NCR3LG1: variants seen among roughly 807,000 people sequenced by gnomAD.
NCR3LG1 encodes the protein natural cytotoxicity triggering receptor 3 ligand 1.
Under a neutral mutation model 34.8 loss-of-function variants are expected in NCR3LG1, and 35 were observed. That is an observed-to-expected ratio of 1.01 (90% confidence interval 0.77 to 1.33). NCR3LG1 has a LOEUF of 1.33. NCR3LG1 is among the 40% of genes most tolerant of loss of function. The probability of loss-of-function intolerance (pLI) is 0.00; values close to 1 mark genes in which losing one functional copy is unlikely to be tolerated. For missense variants in NCR3LG1, 452 were observed against 423.3 expected, an observed-to-expected ratio of 1.07 and a Z score of -0.60; for synonymous variants, 173 against 163.6, an observed-to-expected ratio of 1.06 and a Z score of -0.44.
chr11:17,357,427 G>A (rs1953223253), intron 2 of NCR3LG1, among the ~76,000 whole-genome samples: 1 of 152,104 alleles, frequency 6.6e-6, no homozygotes, highest in African/African-American at 2.4e-5. Flanking sequence ...CCTCTTTAAA[G>A]AACCTATCTC....
At chr11:17,353,568 C>T (rs954279722) in intron 1 of NCR3LG1, among the ~76,000 whole-genome samples, 3 of 152,224 alleles carry the variant, frequency 2.0e-5, no homozygotes, top group Non-Finnish European at 4.4e-5. Context: ...GGGCCCGGCG[C>T]CCCCTCCTCA....
At chr11:17,380,442 A>C (rs1953507711), downstream of NCR3LG1, among the ~76,000 whole-genome samples, 1 of 151,668 alleles carries the variant, frequency 6.6e-6, no homozygotes, top group African/African-American at 2.4e-5. Context: ...GCCACCCACA[A>C]CTCTGAACTG....
chr11:17,359,468 T>C (rs1953246057), intron 2 of NCR3LG1, among the ~76,000 whole-genome samples: 1 of 152,104 alleles, frequency 6.6e-6, no homozygotes, highest in African/African-American at 2.4e-5. Context: ...GAAACAACTT[T>C]ATCTACTAGA....
rs771630472 is a variant in NCR3LG1 at position 17,356,619 on chromosome 11, A to G, written c.71-32A>G. ...CTCAAAAAGATGTTCATACATTGGT[A>G]AACTGAACATTGTGTCCTCTTATTG... On this transcript the variant is annotated intron_variant, in intron 1 of 4. Coordinates refer to ENST00000338965, the MANE Select transcript of NCR3LG1 (RefSeq NM_001202439.3). 7.0e-6 allele frequency: 10 copies of G among 1,431,620 alleles called. No homozygotes were observed. In the South Asian group the frequency reaches 1.0e-4, roughly 15 times the overall value. 88.7% of individuals were successfully genotyped at this position (1,431,620 alleles called of 1,614,324 possible).
Position 17,372,343 on chromosome 11 carries a change from A to G in NCR3LG1, c.1196A>G (p.Asp399Gly), listed in dbSNP as rs777877459. 8.5e-6 allele frequency: 6 copies of G among 703,060 alleles called. No homozygotes were observed. In the South Asian group the frequency reaches 8.9e-5, roughly 10 times the overall value. The allele number at this position is 703,060 out of a possible 1,614,324, so 43.6% of individuals were successfully genotyped here. The change falls in exon 5 of 5, where the codon GAT (aspartate) becomes GGT (glycine). Residue 399 changes from aspartate to glycine, a missense_variant. Coordinates refer to ENST00000338965, the MANE Select transcript of NCR3LG1 (RefSeq NM_001202439.3). ...ACAGTTACATCAGGCAAGTCCATAG[A>G]TGATAATTCCACAAAGTCTGAGAAA... ...LLTVTSGKSI[D>G]DNSTKSEKQT...
rs527887407 is a variant in NCR3LG1 at position 17,363,772 on chromosome 11, T to G, written c.422-3237T>G. 2.0e-5 allele frequency among the ~76,000 whole-genome samples: 3 copies of G among 151,974 alleles called. No homozygotes were observed. The East Asian group carries it at 5.8e-4, about 29-fold the overall frequency. On this transcript the variant is annotated intron_variant, in intron 2 of 4. Transcript: ENST00000338965. The stretch of plus-strand genomic sequence containing the variant: ...CCACTAAGCATGGCTAATTTTTGTA[T>G]TTTTTGTAGAGATGGTGTTTCATTA...
rs1407850130 is a variant in NCR3LG1, at chr11:17,372,503, C to T, written c.1356C>T (p.Pro452=). The part of the protein sequence containing the change: ...LSSQPPTLLL[P]LQ ...CCCAACCCCCAACTTTACTGTTACC[C>T]CTACAGTAAATGCCTGATGGACCTG... The change falls in exon 5 of 5, where the codon CCC becomes CCT. Residue 452 remains proline, a synonymous_variant. Coordinates refer to ENST00000338965, the MANE Select transcript of NCR3LG1 (RefSeq NM_001202439.3). The T allele has an allele frequency of 5.7e-6, 4 of 698,072 alleles. No individual in the cohort carries two copies. The highest frequency in any genetic ancestry group is 3.5e-5 in the African/African-American group (2 of 57,078). The allele number at this position is 698,072 out of a possible 1,614,324, so 43.2% of individuals were successfully genotyped here.
At chr11:17,367,674 A>G (rs1008564138) in intron 3 of NCR3LG1, among the ~76,000 whole-genome samples, 2 of 152,150 alleles carry the variant, frequency 1.3e-5, no homozygotes, top group Non-Finnish European at 2.9e-5. Flanking sequence ...GCCAGTTGCT[A>G]GGGGAATGGG....
chr11:17,360,106 G>C (rs866681371), intron 2 of NCR3LG1, among the ~76,000 whole-genome samples: 11 of 150,540 alleles, frequency 7.3e-5, no homozygotes, highest in African/African-American at 2.7e-4. Flanking sequence ...GGGTTTTGCT[G>C]TGTTGCCCAG....
At chr11:17,363,173 C>T (rs1042657556) in intron 2 of NCR3LG1, among the ~76,000 whole-genome samples, 9 of 151,194 alleles carry the variant, frequency 6.0e-5, no homozygotes, top group African/African-American at 2.2e-4. Context: ...ATCCTCCCAC[C>T]TTGGTCTCCC....
rs540503286 is a variant in NCR3LG1, at chr11:17,353,204, G to C, written c.70+1165G>C. On this transcript the variant is annotated intron_variant, in intron 1 of 4. Coordinates refer to ENST00000338965, the MANE Select transcript of NCR3LG1 (RefSeq NM_001202439.3). The stretch of plus-strand genomic sequence containing the variant: ...CATTTCCACAGTTTGAGAAACAGAA[G>C]ATACAGCCTTAAAGAGAACAAAAAT... Among the ~76,000 whole-genome samples, 47 of 152,364 alleles carry C rather than the reference G, an allele frequency of 3.1e-4. No homozygotes were observed. The South Asian group carries it at 8.9e-3, about 29-fold the overall frequency.
At chr11:17,354,064 A>G (rs1442457355) in intron 1 of NCR3LG1, among the ~76,000 whole-genome samples, 1 of 152,202 alleles carries the variant, frequency 6.6e-6, no homozygotes, top group Non-Finnish European at 1.5e-5. Flanking sequence ...AATGTCTTTA[A>G]AGGTTGTTGA....
At chr11:17,362,673 CTCCTTCCTTCCTTCCT>C (rs145031864) in intron 2 of NCR3LG1, among the ~76,000 whole-genome samples, 2,157 of 63,666 alleles carry the variant, frequency 0.034, 327 homozygotes, top group African/African-American at 0.11. Flanking sequence ...GACTCAGTGT[CTCCTTCCTTCCTTCCT>C]TCCTTTCTTT....
At chr11:17,356,108 TTGTC>T (rs1953201138) in intron 1 of NCR3LG1, among the ~76,000 whole-genome samples, 1 of 151,310 alleles carries the variant, frequency 6.6e-6, no homozygotes, top group African/African-American at 2.4e-5. Flanking sequence ...GCTTCATGTC[TTGTC>T]TTTTTCTTTT....
At chr11:17,367,438 G>A (rs1408040692) in intron 3 of NCR3LG1, 91 bp downstream of exon 3, 2 of 1,070,030 alleles carry the variant, frequency 1.9e-6, no homozygotes, top group Non-Finnish European at 2.6e-6. Context: ...CTTAGCTGGG[G>A]ACTGAAGGGG....
chr11:17,378,165 TAGAC>T (rs1480415431), downstream of NCR3LG1, among the ~76,000 whole-genome samples: 2 of 152,110 alleles, frequency 1.3e-5, no homozygotes, highest in Admixed American at 6.5e-5. Context: ...TTATGCAAAA[TAGAC>T]AGGCCCTAGA....
At position 17,377,106 on chromosome 11, in the gene NCR3LG1, T is replaced by A. The variant is rs1428262677; in HGVS notation, c.*4594T>A. 1 of 152,062 alleles carries A rather than the reference T, an allele frequency of 6.6e-6. No individual in the cohort carries two copies. The highest frequency in any genetic ancestry group is 2.4e-5 in the African/African-American group (1 of 41,398). The allele number at this position is 152,062 out of a possible 1,614,324, so 9.4% of individuals were successfully genotyped here. A position where few individuals can be genotyped will look rare whatever the true frequency, so the allele number is the denominator to read the frequency against. The stretch of plus-strand genomic sequence containing the variant: ...CTGTGGGTGAACAGAACAGGAGACT[T>A]CTGGACTGACAGCCCCTGTCACAAG... On this transcript the variant is annotated 3_prime_UTR_variant, in exon 5 of 5. Transcript: ENST00000338965.
intron 4 of NCR3LG1, among the ~76,000 whole-genome samples, chr11:17,370,383 A>G (rs1953392923): frequency 6.6e-6 from 1 of 152,210 alleles, no homozygotes; most frequent in Non-Finnish European, 1.5e-5. Flanking sequence ...ATTTTGGTGC[A>G]TTGGCCAGGA....
chr11:17,367,871 T>G (rs1323905174), intron 3 of NCR3LG1, among the ~76,000 whole-genome samples: 1 of 148,256 alleles, frequency 6.7e-6, no homozygotes, highest in Non-Finnish European at 1.5e-5. Context: ...CAGGCTGGAG[T>G]GTAATGGCGT....
Sources: allele counts gnomAD v4.1 joint callset (sites outside exome capture counted in the v4.1 genomes callset), GRCh38; gene constraint gnomAD v4.1.1; transcripts MANE v1.5; gene names NCBI Gene and HGNC (gene_info 2026-07-23, HGNC 2026-07-21).